The following STK38 variants were observed in gnomAD, a reference collection of about 807,000 sequenced individuals.
STK38 encodes the protein serine/threonine kinase 38, also known as serine/threonine-protein kinase 38.
STK38 carries 26 observed loss-of-function variants against 59.0 expected under a neutral mutation model. That is an observed-to-expected ratio of 0.44 (90% CI 0.32 to 0.61). The LOEUF (loss-of-function observed/expected upper bound fraction) is 0.61. Ranked by LOEUF, STK38 falls within the 20% of genes least tolerant of loss-of-function variation. STK38 has a pLI of 0.04. For synonymous variants in STK38, 175 were observed against 176.6 expected (o/e 0.99, Z 0.07); for missense variants, 433 against 566.0 (o/e 0.76, Z 2.38).
At chr6:36,505,643 C>T (rs1190572316) in intron 9 of STK38, among the ~76,000 whole-genome samples, 2 of 152,188 alleles carry the variant, frequency 1.3e-5, no homozygotes, top group South Asian at 2.1e-4. Flanking sequence ...TGCCAAGTTA[C>T]TACCATATAT....
chr6:36,511,806 C>T (rs887712308), intron 7 of STK38, among the ~76,000 whole-genome samples: 2 of 151,908 alleles, frequency 1.3e-5, no homozygotes, highest in African/African-American at 4.8e-5. Context: ...CGCCTGTAAT[C>T]CCAACACTTT....
intron 1 of STK38, among the ~76,000 whole-genome samples, chr6:36,541,903 A>C (rs1777947681): frequency 1.3e-5 from 2 of 149,580 alleles, no homozygotes; most frequent in African/African-American, 4.9e-5. Context: ...ATCTCAGCTC[A>C]CTGGAACCTC....
At chr6:36,520,310 T>C (rs1036592355) in intron 5 of STK38, among the ~76,000 whole-genome samples, 11 of 152,266 alleles carry the variant, frequency 7.2e-5, no homozygotes, top group African/African-American at 2.4e-4. Flanking sequence ...GAAAGTGATT[T>C]TGAAGGCACA....
intron 2 of STK38, among the ~76,000 whole-genome samples, chr6:36,528,588 C>A (rs1002700349): frequency 6.6e-6 from 1 of 152,112 alleles, no homozygotes; most frequent in Non-Finnish European, 1.5e-5. Context: ...TGCATCTATG[C>A]GTGCACATGT....
At chr6:36,511,731 A>G (rs1178653695) in intron 7 of STK38, among the ~76,000 whole-genome samples, 1 of 152,204 alleles carries the variant, frequency 6.6e-6, no homozygotes, top group African/African-American at 2.4e-5. Context: ...ATGATTACAT[A>G]TCTTACCTGG....
At chr6:36,543,229 T>TA in intron 1 of STK38, among the ~76,000 whole-genome samples, 1 of 151,728 alleles carries the variant, frequency 6.6e-6, no homozygotes, top group East Asian at 2.0e-4. Flanking sequence ...CACGCCCGGC[T>TA]AATTTTTTCT....
intron 11 of STK38, 61 bp from the exon 12 acceptor site, chr6:36,497,936 T>TTA: frequency 4.4e-6 from 5 of 1,144,806 alleles, no homozygotes; most frequent in Non-Finnish European, 6.1e-6. Flanking sequence ...AAGAAAAACT[T>TTA]TCTTTTTTTT....
chr6:36,503,833 G>A (rs1776898124), intron 9 of STK38, among the ~76,000 whole-genome samples: 1 of 152,142 alleles, frequency 6.6e-6, no homozygotes, highest in Non-Finnish European at 1.5e-5. Flanking sequence ...GTCTGCCACT[G>A]GAGCTCGCTC....
chr6:36,505,458 G>A lies in STK38; in HGVS notation c.834+1125C>T, dbSNP rs750399759. 1.4e-4 allele frequency among the ~76,000 whole-genome samples: 21 copies of A among 152,248 alleles called. 1 individual carries two copies. In the South Asian group the frequency reaches 2.9e-3, roughly 21 times the overall value. On this transcript the variant is annotated intron_variant, in intron 9 of 13. Transcript: ENST00000229812. ...AGGTGGGCTTCAAATAAATCAAAAC[G>A]AATGCAAGGCTTTCCTTTGACTCTT...
intron 2 of STK38, among the ~76,000 whole-genome samples, chr6:36,529,753 G>T (rs1202357582): frequency 6.6e-6 from 1 of 152,140 alleles, no homozygotes; most frequent in Non-Finnish European, 1.5e-5. Flanking sequence ...TAAAAAGTCA[G>T]AATGTATAGC....
At chr6:36,526,693 G>T (rs573845769) in intron 2 of STK38, among the ~76,000 whole-genome samples, 3 of 151,720 alleles carry the variant, frequency 2.0e-5, no homozygotes, top group African/African-American at 7.3e-5. Flanking sequence ...TCAGGAGTTC[G>T]AGACCAGACT....
intron 10 of STK38, among the ~76,000 whole-genome samples, chr6:36,499,138 TG>T (rs1354726567): frequency 6.6e-6 from 1 of 151,954 alleles, no homozygotes; most frequent in Non-Finnish European, 1.5e-5. Flanking sequence ...AAAGAAGAAA[TG>T]AAAGGATGAA....
intron 2 of STK38, among the ~76,000 whole-genome samples, chr6:36,535,003 T>C (rs1777753044): frequency 6.6e-6 from 1 of 152,198 alleles, no homozygotes; most frequent in African/African-American, 2.4e-5. Flanking sequence ...AATTCAGTTA[T>C]ATGTCTATAT....
At chr6:36,525,449 C>T in intron 3 of STK38, 142 bp downstream of exon 3, 2 of 642,680 alleles carry the variant, frequency 3.1e-6, no homozygotes, top group South Asian at 2.2e-5. Flanking sequence ...AATTAACACC[C>T]AAATCCGGAA....
intron 1 of STK38, among the ~76,000 whole-genome samples, chr6:36,545,289 GAAAAAAAAAAA>G (rs58104312): frequency 2.1e-4 from 13 of 60,524 alleles, no homozygotes; most frequent in African/African-American, 3.9e-4. Flanking sequence ...ACTCCGTCTG[GAAAAAAAAAAA>G]AAAAAAAAAA....
intron 7 of STK38, among the ~76,000 whole-genome samples, chr6:36,508,946 G>A (rs767288090): frequency 1.3e-5 from 2 of 152,242 alleles, no homozygotes; most frequent in Non-Finnish European, 2.9e-5. Context: ...AGTGGCACCT[G>A]GAAGCTTGGA....
chr6:36,511,797 G>A (rs993108317), intron 7 of STK38, among the ~76,000 whole-genome samples: 2 of 151,474 alleles, frequency 1.3e-5, no homozygotes, highest in South Asian at 2.1e-4. Flanking sequence ...AGTGGCTCAC[G>A]CCTGTAATCC....
chr6:36,539,745 ATTTTTTTT>A (rs55784149), intron 2 of STK38, among the ~76,000 whole-genome samples: 2 of 131,234 alleles, frequency 1.5e-5, no homozygotes, highest in African/African-American at 5.7e-5. Flanking sequence ...ATTGGGCCTA[ATTTTTTTT>A]TTTTTTTTTT....
At chr6:36,544,407 C>T (rs1044809951) in intron 1 of STK38, among the ~76,000 whole-genome samples, 1 of 149,588 alleles carries the variant, frequency 6.7e-6, no homozygotes, top group Admixed American at 6.6e-5. Flanking sequence ...TCAGCCTGTA[C>T]CCCCCCCTCC....
Sources: allele counts gnomAD v4.1 joint callset (sites outside exome capture counted in the v4.1 genomes callset), GRCh38; gene constraint gnomAD v4.1.1; transcripts MANE v1.5; gene names NCBI Gene and HGNC (gene_info 2026-07-23, HGNC 2026-07-21).